Variants in NEB observed in about 807,000 individuals in gnomAD.
NEB encodes the protein nebulin.
In NEB, 512 loss-of-function variants were observed where a neutral mutation model predicts 952.2. The ratio of observed to expected loss-of-function variants is 0.54; its 90% CI spans 0.50 to 0.58. The LOEUF (loss-of-function observed/expected upper bound fraction) is 0.58. Among genes scored for constraint, NEB ranks in the 20% least tolerant of loss-of-function variants. The pLI is 0.00. For missense variants in NEB, 8,428 were observed against 9,231.1 expected (o/e 0.91, Z 3.56); for synonymous variants, 2,900 against 3,149.8 (o/e 0.92, Z 2.66).
At position 151,724,301 on chromosome 2, in the gene NEB, C is replaced by CA; in HGVS notation, c.570dup (p.Glu191Ter). The CA allele has an allele frequency of 6.2e-7, 1 of 1,613,130 alleles. No homozygotes were observed. Among genetic ancestry groups the CA allele is most frequent in the Non-Finnish European group, 8.5e-7 (1 of 1,179,584 alleles). ...GTGTTCTTAACGGCCTGGACAAGTT[C>CA]AGGGGCATCAGGAGGAAGCAGGTAC... On this transcript the variant is annotated frameshift_variant, in exon 8 of 182. Coordinates refer to ENST00000397345, the MANE Select transcript of NEB (RefSeq NM_001164508.2). LOFTEE classifies it high-confidence loss of function.
intron 13 of NEB, among the ~76,000 whole-genome samples, chr2:151,701,734 T>C (rs1360606795): frequency 6.6e-6 from 1 of 151,040 alleles, no homozygotes; most frequent in East Asian, 1.9e-4. Context: ...TTTTTTATTG[T>C]GTCTATTTGA....
chr2:151,526,351 G>T (rs150230249), intron 148 of NEB, 89 bp from the exon 149 acceptor site: 8 of 889,162 alleles, frequency 9.0e-6, no homozygotes, highest in Non-Finnish European at 1.3e-5. Flanking sequence ...GAACAGCAGC[G>T]TTGACAATAC....
chr2:151,669,777 T>C (rs2099263609), intron 38 of NEB, among the ~76,000 whole-genome samples: 1 of 152,164 alleles, frequency 6.6e-6, no homozygotes, highest in Non-Finnish European at 1.5e-5. Context: ...GTTTTACACA[T>C]AAGAGGGACA....
In NEB at chr2:151,650,808, A is replaced by G; in HGVS notation, c.6993T>C (p.Leu2331=). 6.2e-7 allele frequency: 1 copy of G among 1,613,846 alleles called. No individual in the cohort carries two copies. The highest frequency in any genetic ancestry group is 2.2e-5 in the East Asian group (1 of 44,876). ...TTTTGGCTACATTCATGGACAACAC[A>G]AGTTTTGGGTCATCTTGCAGACTCC... is the stretch of plus-strand genomic sequence containing the variant. ...GFRSLQDDPK[L]VLSMNVAKMQ... Residue 2331 remains leucine, a synonymous_variant, in exon 53 of 182, where the codon CTT becomes CTC. Transcript: ENST00000397345.
rs1003798007 is a variant in NEB at position 151,533,515 on chromosome 2, A to G, written c.21344T>C (p.Leu7115Pro). 6.4e-7 allele frequency: 1 copy of G among 1,551,394 alleles called. No homozygotes were observed. Among genetic ancestry groups the G allele is most frequent in the Admixed American group, 2.0e-5 (1 of 51,006 alleles). ...CAGAATTTCATTACATCCATGTTGC[A>G]GAAACATCTTGGCACTAGATTTATA... ...RKYKSSAKMF[L>P]QHGCNEILRP... is the part of the protein sequence containing the mutation. Residue 7115 changes from leucine to proline, a missense_variant, in exon 143 of 182, where the codon CTG becomes CCG. Leu to Pro is a moderately conservative substitution (Grantham distance 98). Around this residue, in one of 11 missense-constraint regions of NEB, gnomAD observed 3,374 missense variants for 3,651.5 expected, o/e 0.92. Transcript: ENST00000397345.
intron 54 of NEB, among the ~76,000 whole-genome samples, chr2:151,647,113 T>C (rs944089669): frequency 6.6e-6 from 1 of 150,844 alleles, no homozygotes; most frequent in Non-Finnish European, 1.5e-5. Context: ...CTAAAACTAA[T>C]AATTTTTTTT....
chr2:151,509,381 A>G (rs566536629), intron 161 of NEB, among the ~76,000 whole-genome samples: 3 of 152,258 alleles, frequency 2.0e-5, no homozygotes, highest in African/African-American at 4.8e-5. Flanking sequence ...CTTTTATTTT[A>G]TTTTTATTGT....
At chr2:151,504,457 T>C (rs1196558475) in intron 165 of NEB, among the ~76,000 whole-genome samples, 1 of 152,206 alleles carries the variant, frequency 6.6e-6, no homozygotes, top group African/African-American at 2.4e-5. Context: ...TCAACTCTTA[T>C]TAGAGGACAC....
Position 151,569,699 on chromosome 2 carries a change from C to T in NEB, c.17431-327G>A, listed in dbSNP as rs562216144. On this transcript the variant is annotated intron_variant, in intron 109 of 181. Coordinates refer to ENST00000397345, the MANE Select transcript of NEB (RefSeq NM_001164508.2). Reference sequence around the variant, plus strand: ...CACAAAAATTTTTGGATTTTAAAATCTTGGCAACTTAATTCAAAATTTCTA... The same window carrying T: ...CACAAAAATTTTTGGATTTTAAAATTTTGGCAACTTAATTCAAAATTTCTA... Among the ~76,000 whole-genome samples the T allele has an allele frequency of 5.3e-5, 8 of 152,226 alleles. No homozygotes were observed. In the South Asian group the frequency reaches 1.7e-3, roughly 32 times the overall value.
chr2:151,677,822 A>G (rs1393449611), intron 33 of NEB, 51 bp from the exon 34 acceptor site: 4 of 1,610,350 alleles, frequency 2.5e-6, no homozygotes, highest in Non-Finnish European at 3.4e-6. Context: ...GGTTCTTTTC[A>G]TGGCAGGCTC....
At chr2:151,656,044 T>G in intron 49 of NEB, 21 bp from the exon 50 acceptor site, 1 of 1,606,774 alleles carries the variant, frequency 6.2e-7, no homozygotes, top group Non-Finnish European at 8.5e-7. Flanking sequence ...GATAAGCAAA[T>G]TCTACTTTAT....
chr2:151,653,700 C>T (rs1471866686), intron 52 of NEB, among the ~76,000 whole-genome samples: 2 of 152,114 alleles, frequency 1.3e-5, no homozygotes, highest in African/African-American at 4.8e-5. Flanking sequence ...ATTATATTTT[C>T]AGGCAAAGTA....
chr2:151,559,679 C>T (rs1024503001), intron 124 of NEB, among the ~76,000 whole-genome samples: 2 of 152,204 alleles, frequency 1.3e-5, no homozygotes, highest in African/African-American at 4.8e-5. Context: ...TCTCAGCAAA[C>T]TAACACAAGA....
At chr2:151,698,365 A>C (rs1473472907) in intron 13 of NEB, among the ~76,000 whole-genome samples, 2 of 152,174 alleles carry the variant, frequency 1.3e-5, no homozygotes, top group African/African-American at 4.8e-5. Flanking sequence ...ATCTCAAAAA[A>C]GCAAAACAAA....
At chr2:151,528,164 C>T (rs1162517072) in intron 146 of NEB, among the ~76,000 whole-genome samples, 7 of 152,172 alleles carry the variant, frequency 4.6e-5, no homozygotes, top group African/African-American at 1.7e-4. Flanking sequence ...TGCAGAGGGG[C>T]TTGCATGCTT....
chr2:151,577,281 G>A (rs903937943), intron 105 of NEB, among the ~76,000 whole-genome samples: 9 of 152,034 alleles, frequency 5.9e-5, no homozygotes, highest in Admixed American at 4.6e-4. Context: ...TTCCAGCCTC[G>A]TGTCATCTGT....
chr2:151,505,747 T>C (rs1448112710), intron 164 of NEB, among the ~76,000 whole-genome samples, 177 bp from the exon 165 acceptor site: 3 of 152,158 alleles, frequency 2.0e-5, no homozygotes, highest in Non-Finnish European at 4.4e-5. Context: ...AGGAGAACAA[T>C]TCCAAGGACA....
rs1276054103 is a variant in NEB, at chr2:151,680,712, G to C, written c.3042+18C>G. The C allele has an allele frequency of 1.3e-6, 2 of 1,495,998 alleles. No homozygotes were observed. Among genetic ancestry groups the C allele is most frequent in the African/African-American group, 1.4e-5 (1 of 72,060 alleles). The allele number at this position is 1,495,998 out of a possible 1,614,324, so 92.7% of individuals were successfully genotyped here. On this transcript the variant is annotated intron_variant, in intron 30 of 181. Transcript: ENST00000397345. ...ATTAGTTAACATCTATTAACATATA[G>C]ATAGCATTAACACTTACATCACTCC...
intron 71 of NEB, among the ~76,000 whole-genome samples, chr2:151,624,318 T>C (rs2098476785): frequency 6.6e-6 from 1 of 152,032 alleles, no homozygotes; most frequent in South Asian, 2.1e-4. Context: ...CCCAATATCC[T>C]TGCAGCAGTC....
Sources: allele counts gnomAD v4.1 joint callset (sites outside exome capture counted in the v4.1 genomes callset), GRCh38; gene constraint gnomAD v4.1.1; regional missense constraint gnomAD v4.1.1; transcripts MANE v1.5; gene names NCBI Gene and HGNC (gene_info 2026-07-23, HGNC 2026-07-21).